The following ROBO2 variants were observed in gnomAD, a reference collection of about 807,000 sequenced individuals.
ROBO2 encodes the protein roundabout homolog 2.
Under a neutral mutation model 160.8 loss-of-function variants are expected in ROBO2, and 53 were observed. That is an observed-to-expected ratio of 0.33 (90% confidence interval 0.26 to 0.41). The LOEUF (loss-of-function observed/expected upper bound fraction) is 0.41, where lower values mean the gene tolerates loss of function less well. Ranked by LOEUF, ROBO2 falls within the 10% of genes least tolerant of loss-of-function variation. ROBO2 has a pLI of 1.00. For missense variants in ROBO2, 1,577 were observed against 1,722.4 expected (o/e 0.92, Z 1.49); for synonymous variants, 664 against 611.7 (o/e 1.09, Z -1.26).
intron 2 of ROBO2, among the ~76,000 whole-genome samples, chr3:76,507,434 A>G (rs1478300786): frequency 6.6e-6 from 1 of 152,076 alleles, no homozygotes; most frequent in Non-Finnish European, 1.5e-5. Context: ...TAAAGTAAAC[A>G]TAGTTCTTGG....
At chr3:76,996,282 G>A (rs934609496) in intron 2 of ROBO2, among the ~76,000 whole-genome samples, 8 of 152,132 alleles carry the variant, frequency 5.3e-5, no homozygotes, top group Non-Finnish European at 1.2e-4. Context: ...CATTATTTCT[G>A]AGGGCTCTGT....
At chr3:77,555,414 T>C (rs906002847) in intron 8 of ROBO2, among the ~76,000 whole-genome samples, 8 of 152,038 alleles carry the variant, frequency 5.3e-5, no homozygotes, top group African/African-American at 1.9e-4. Context: ...AATTCAAACA[T>C]TCATAAAAGA....
At chr3:77,315,869 G>A (rs750992970) in intron 2 of ROBO2, among the ~76,000 whole-genome samples, 61 of 151,614 alleles carry the variant, frequency 4.0e-4, no homozygotes, top group Non-Finnish European at 1.3e-4. Flanking sequence ...TTTTTTGCTT[G>A]TAACTTATTG....
intron 2 of ROBO2, among the ~76,000 whole-genome samples, chr3:77,166,115 A>C (rs141926657): frequency 6.6e-6 from 1 of 152,222 alleles, no homozygotes; most frequent in East Asian, 1.9e-4. Context: ...AAAATTAGCC[A>C]GATGTGGTGG....
chr3:77,122,330 A>T (rs1056554983), intron 2 of ROBO2, among the ~76,000 whole-genome samples: 1 of 152,172 alleles, frequency 6.6e-6, no homozygotes, highest in African/African-American at 2.4e-5. Flanking sequence ...GGTCATGAAC[A>T]TATTTTCTTG....
intron 2 of ROBO2, among the ~76,000 whole-genome samples, chr3:77,149,009 A>C (rs2077340139): frequency 6.6e-6 from 1 of 151,484 alleles, no homozygotes; most frequent in African/African-American, 2.4e-5. Context: ...AAAGTTCATT[A>C]ATTGAAAGCT....
chr3:76,409,548 C>T (rs976720649), intron 2 of ROBO2, among the ~76,000 whole-genome samples: 1 of 152,030 alleles, frequency 6.6e-6, no homozygotes, highest in African/African-American at 2.4e-5. Flanking sequence ...ACAAAACTCA[C>T]ATTTTAAGTT....
chr3:76,067,958 C>T (rs1262583693), intron 2 of ROBO2, among the ~76,000 whole-genome samples: 1 of 152,052 alleles, frequency 6.6e-6, no homozygotes, highest in African/African-American at 2.4e-5. Flanking sequence ...CTCTTAAAAT[C>T]TATTATTTAG....
intron 2 of ROBO2, among the ~76,000 whole-genome samples, chr3:76,723,581 C>T (rs1245241902): frequency 6.6e-6 from 1 of 152,186 alleles, no homozygotes; most frequent in Non-Finnish European, 1.5e-5. Context: ...CCACTTCATT[C>T]TCATACAAAA....
At chr3:76,398,275 T>C (rs2077589341) in intron 2 of ROBO2, among the ~76,000 whole-genome samples, 1 of 137,190 alleles carries the variant, frequency 7.3e-6, no homozygotes, top group Admixed American at 8.2e-5. Flanking sequence ...AATTGAACAA[T>C]GAGAACACAT....
intron 2 of ROBO2, chr3:77,316,809 G>T: frequency 7.7e-7 from 1 of 1,301,212 alleles, no homozygotes; most frequent in Non-Finnish European, 1.1e-6. Context: ...TGACGTTCTT[G>T]CCATCCAGGA....
intron 2 of ROBO2, among the ~76,000 whole-genome samples, chr3:77,411,572 A>C (rs1581735412): frequency 6.6e-6 from 1 of 152,206 alleles, no homozygotes; most frequent in Non-Finnish European, 1.5e-5. Context: ...ACACCTTGCT[A>C]CGGTAAAGTT....
intron 2 of ROBO2, among the ~76,000 whole-genome samples, chr3:77,141,966 A>G (rs1275229963): frequency 2.0e-5 from 3 of 152,200 alleles, no homozygotes; most frequent in Non-Finnish European, 2.9e-5. Context: ...ACAGTAACCA[A>G]AGGCTGCATA....
At chr3:76,236,052 T>C (rs1466610211) in intron 2 of ROBO2, among the ~76,000 whole-genome samples, 3 of 152,146 alleles carry the variant, frequency 2.0e-5, no homozygotes, top group Admixed American at 2.0e-4. Flanking sequence ...CCTTATTTGG[T>C]TGTTAATCAC....
chr3:77,227,120 A>G (rs1318354580), intron 2 of ROBO2, among the ~76,000 whole-genome samples: 1 of 152,096 alleles, frequency 6.6e-6, no homozygotes, highest in Non-Finnish European at 1.5e-5. Context: ...AGTGGAAAAT[A>G]TAGGCTCTGA....
At chr3:76,527,922 G>C (rs548380892) in intron 2 of ROBO2, among the ~76,000 whole-genome samples, 5 of 152,120 alleles carry the variant, frequency 3.3e-5, no homozygotes, top group Non-Finnish European at 7.4e-5. Flanking sequence ...CTAGTGCTAA[G>C]GCAAGAGTGT....
intron 2 of ROBO2, among the ~76,000 whole-genome samples, chr3:77,010,969 A>T: frequency 7.6e-6 from 1 of 132,226 alleles, no homozygotes; most frequent in African/African-American, 2.9e-5. Flanking sequence ...CCCTCTCTGT[A>T]TTGCTTTTCC....
chr3:76,434,014 C>G, intron 2 of ROBO2: 2 of 1,095,102 alleles, frequency 1.8e-6, no homozygotes, highest in Non-Finnish European at 2.8e-6. Flanking sequence ...TGAGGTGGTT[C>G]ATTATGGCTG....
exon 2 of ROBO2, chr3:77,098,216 A>T (rs1175252961): frequency 6.2e-7 from 1 of 1,614,162 alleles, no homozygotes; most frequent in South Asian, 1.1e-5. Context: ...TGCCCAGCGG[A>T]TCCTTATTCT....
Sources: allele counts gnomAD v4.1 joint callset (sites outside exome capture counted in the v4.1 genomes callset), GRCh38; gene constraint gnomAD v4.1.1; transcripts MANE v1.5; gene names NCBI Gene and HGNC (gene_info 2026-07-23, HGNC 2026-07-21).